The following PSG8 variants were observed in gnomAD, a reference collection of about 807,000 sequenced individuals.
PSG8 encodes pregnancy-specific beta-1-glycoprotein 8.
A neutral mutation model predicts 42.5 loss-of-function variants in PSG8; 57 were observed. That is an observed-to-expected ratio of 1.34 (90% confidence interval 1.08 to 1.67). The LOEUF (loss-of-function observed/expected upper bound fraction) is 1.67. Ranked by LOEUF, PSG8 falls within the 40% of genes most tolerant of loss-of-function variation. The pLI, the probability that PSG8 is intolerant of heterozygous loss-of-function variation, is 0.00. For synonymous variants in PSG8, 280 were observed against 196.8 expected, an observed-to-expected ratio of 1.42 and a Z score of -3.54; for missense variants, 783 against 518.6, an observed-to-expected ratio of 1.51 and a Z score of -4.95.
chr19:42,753,129 T>C (rs1969822356), downstream of PSG8: 2 of 655,314 alleles, frequency 3.1e-6, no homozygotes, highest in Admixed American at 2.2e-5. Context: ...GGAAAAACTG[T>C]CCACAGTGTG....
At chr19:42,758,458 G>A in intron 2 of PSG8, 178 bp from the exon 3 acceptor site, 5 of 1,333,868 alleles carry the variant, frequency 3.7e-6, no homozygotes, top group African/African-American at 1.5e-5. Flanking sequence ...GAGGTTGTGA[G>A]GCTGCCTGCT....
At chr19:42,756,523 C>A (rs1969931427) in intron 3 of PSG8, among the ~76,000 whole-genome samples, 3 of 152,144 alleles carry the variant, frequency 2.0e-5, no homozygotes, top group South Asian at 4.1e-4. Context: ...CATCCCAAAT[C>A]TGAAAGATTC....
intron 2 of PSG8, among the ~76,000 whole-genome samples, chr19:42,762,010 T>G (rs1388415063): frequency 1.3e-5 from 2 of 151,886 alleles, no homozygotes; most frequent in Non-Finnish European, 2.9e-5. Flanking sequence ...CTGGGGACAT[T>G]GGCTCGAGAT....
At chr19:42,761,210 G>A (rs1970064643) in intron 2 of PSG8, among the ~76,000 whole-genome samples, 1 of 152,180 alleles carries the variant, frequency 6.6e-6, no homozygotes, top group South Asian at 2.1e-4. Context: ...CTGGGCATAG[G>A]CCAGGCTAAC....
In PSG8 at chr19:42,758,207, G is replaced by A; in HGVS notation, c.504C>T (p.Thr168=). ...PREAMEAVSL[T]CDPETPDASY... is the part of the protein sequence containing the mutation. The stretch of plus-strand genomic sequence containing the variant: ...TTGCGTCCGGAGTCTCAGGATCACA[G>A]GTTAAGCTCACAGCCTCCATGGCCT... Residue 168 remains threonine, a synonymous_variant, in exon 3 of 5, where the codon ACC becomes ACT. Coordinates refer to ENST00000306511, the MANE Select transcript of PSG8 (RefSeq NM_182707.3). 5 of 1,614,068 alleles carry A rather than the reference G, an allele frequency of 3.1e-6. No homozygotes were observed. Among genetic ancestry groups the A allele is most frequent in the Non-Finnish European group, 4.2e-6 (5 of 1,179,976 alleles).
chr19:42,754,861 T>G, intron 4 of PSG8, 127 bp downstream of exon 4: 1 of 1,538,722 alleles, frequency 6.5e-7, no homozygotes, highest in Admixed American at 2.0e-5. Context: ...CAGGGAGTCA[T>G]GGCCAGCTCG....
chr19:42,762,235 C>A (rs1457626309), intron 2 of PSG8, among the ~76,000 whole-genome samples: 76 of 150,510 alleles, frequency 5.0e-4, no homozygotes, highest in East Asian at 2.4e-3. Flanking sequence ...CACAGAGAAG[C>A]AGAGAGAGGC....
intron 2 of PSG8, among the ~76,000 whole-genome samples, chr19:42,760,997 A>G (rs1272252306): frequency 6.6e-6 from 1 of 152,188 alleles, no homozygotes; most frequent in Non-Finnish European, 1.5e-5. Flanking sequence ...AGAAGTCTCT[A>G]GGAAGTGACC....
At chr19:42,761,151 C>G (rs115048004) in intron 2 of PSG8, among the ~76,000 whole-genome samples, 1,682 of 152,250 alleles carry the variant, frequency 0.011, 36 homozygotes, top group African/African-American at 0.039. Context: ...AACTAGCATG[C>G]CTGACTCCAT....
At chr19:42,761,838 T>A (rs1970083400) in intron 2 of PSG8, among the ~76,000 whole-genome samples, 1 of 138,272 alleles carries the variant, frequency 7.2e-6, no homozygotes, top group Admixed American at 7.2e-5. Flanking sequence ...TTTTTTTTTT[T>A]TTTTTTTTTT....
At chr19:42,757,936 G>T (rs1411848636) in intron 3 of PSG8, 66 bp downstream of exon 3, 6 of 1,613,720 alleles carry the variant, frequency 3.7e-6, no homozygotes, top group African/African-American at 1.3e-5. Context: ...GGACTGAGAG[G>T]CCTGGTCTCT....
chr19:42,753,338 G>A (rs773910144), downstream of PSG8: 7 of 780,410 alleles, frequency 9.0e-6, no homozygotes, highest in Middle Eastern at 2.2e-4. Flanking sequence ...GAAGAAAATG[G>A]AATTGGAGGA....
chr19:42,753,379 A>G, downstream of PSG8: 2 of 780,268 alleles, frequency 2.6e-6, no homozygotes, highest in Non-Finnish European at 4.8e-6. Flanking sequence ...TGTCCAGTCT[A>G]CAGGTGGATA....
chr19:42,756,370 G>T (rs12104420), intron 3 of PSG8, among the ~76,000 whole-genome samples: 4,509 of 152,194 alleles, frequency 0.03, 226 homozygotes, highest in African/African-American at 0.1. Flanking sequence ...AGGTGGGGAG[G>T]TTCTAGAGAT....
Position 42,754,553 on chromosome 19 carries a change from G to T in PSG8, c.1023C>A (p.Phe341Leu). The T allele has an allele frequency of 6.2e-7, 1 of 1,613,578 alleles. No individual in the cohort carries two copies. ...GGACTTCTCCTGAACGGTAATAGGT[G>T]AATGAAGGGTAAATTCTGGGGAGGT... ...GPDLPRIYPS[F>L]TYYRSGEVLY... The change falls in exon 5 of 5, where the codon TTC becomes TTA. Residue 341 changes from phenylalanine (F) to leucine (L), a missense_variant. Physicochemically the swap from Phe to Leu is conservative, Grantham distance 22. Coordinates refer to ENST00000306511, the MANE Select transcript of PSG8 (RefSeq NM_182707.3).
chr19:42,758,327 T>A, intron 2 of PSG8, 47 bp from the exon 3 acceptor site: 1 of 1,590,654 alleles, frequency 6.3e-7, no homozygotes, highest in Non-Finnish European at 8.6e-7. Flanking sequence ...CACCTTTGAT[T>A]CCTCCAAAGG....
intron 3 of PSG8, among the ~76,000 whole-genome samples, chr19:42,756,514 A>C (rs1018817056): frequency 6.6e-6 from 1 of 152,168 alleles, no homozygotes; most frequent in African/African-American, 2.4e-5. Flanking sequence ...CTGGTTTAGC[A>C]TCCCAAATCT....
intron 2 of PSG8, chr19:42,758,965 C>A (rs984052906): frequency 6.5e-6 from 1 of 153,944 alleles, no homozygotes; most frequent in African/African-American, 2.4e-5. Flanking sequence ...AGGGGACAGG[C>A]AAGAACTGAT....
At position 42,759,551 on chromosome 19, in the gene PSG8, C is replaced by G. The variant is rs144774869; in HGVS notation, c.431-1271G>C. Among the ~76,000 whole-genome samples the G allele has an allele frequency of 3.3e-3, 510 of 152,252 alleles. 4 individuals carry two copies. The highest frequency in any genetic ancestry group is 0.012 in the African/African-American group (484 of 41,538). On this transcript the variant is annotated intron_variant, in intron 2 of 4. Coordinates refer to ENST00000306511, the MANE Select transcript of PSG8 (RefSeq NM_182707.3). ...CCAAATCTGAAAAATTTAAAATGCA[C>G]AATGCGCCAGTGAGCACTTCTTTTT...
Sources: allele counts gnomAD v4.1 joint callset (sites outside exome capture counted in the v4.1 genomes callset), GRCh38; gene constraint gnomAD v4.1.1; transcripts MANE v1.5; gene names NCBI Gene and HGNC (gene_info 2026-07-23, HGNC 2026-07-21).